Variants in ATG2B observed in about 807,000 individuals in gnomAD.
The protein encoded by ATG2B is autophagy-related protein 2 homolog B.
In ATG2B, 121 loss-of-function variants were observed where a neutral mutation model predicts 241.3. The ratio of observed to expected loss-of-function variants is 0.50; its 90% CI spans 0.43 to 0.58. The LOEUF (loss-of-function observed/expected upper bound fraction) is 0.58, where lower values mean the gene tolerates loss of function less well. Ranked by LOEUF, ATG2B falls within the 20% of genes least tolerant of loss-of-function variation. The pLI is 0.00. For synonymous variants in ATG2B, 858 were observed against 876.6 expected, an observed-to-expected ratio of 0.98 and a Z score of 0.37; for missense variants, 2,306 against 2,491.6, an observed-to-expected ratio of 0.93 and a Z score of 1.59.
Position 96,329,469 on chromosome 14 carries a change from G to A in ATG2B, c.1881+15C>T. ...TTTAAAAAATAATCTTAAAGAAAAA[G>A]TATTCAATATTTACCTCTGTATAGT... On this transcript the variant is annotated intron_variant, in intron 12 of 41. Transcript: ENST00000359933. 6.6e-7 allele frequency: 1 copy of A among 1,526,212 alleles called. No individual in the cohort carries two copies. The highest frequency in any genetic ancestry group is 8.8e-7 in the Non-Finnish European group (1 of 1,134,400). 94.5% of individuals were successfully genotyped at this position (1,526,212 alleles called of 1,614,324 possible).
intron 26 of ATG2B, 137 bp downstream of exon 26, chr14:96,311,952 A>C: frequency 1.4e-6 from 1 of 696,574 alleles, no homozygotes; most frequent in Non-Finnish European, 2.5e-6. Flanking sequence ...TATATACTTA[A>C]AGACCCTTTA....
Position 96,333,799 on chromosome 14 carries a change from T to A in ATG2B, c.1096A>T (p.Ile366Phe), listed in dbSNP as rs1307863104. ...TAATACCGGTTTAATTCCATCTGAA[T>A]TCGATACTCGTCTTCCTGCTGCATG... is the stretch of plus-strand genomic sequence containing the variant. ...RPMQQEDEYRIQMELNRYYLR... is the reference protein window; with the variant it reads ...RPMQQEDEYRFQMELNRYYLR... The change falls in exon 8 of 42, where the codon ATT (isoleucine) becomes TTT (phenylalanine). Residue 366 changes from isoleucine to phenylalanine, a missense_variant. Transcript: ENST00000359933. 1 of 1,613,992 alleles carries A rather than the reference T, an allele frequency of 6.2e-7. No individual in the cohort carries two copies.
At chr14:96,336,947 T>A (rs912294873) in intron 6 of ATG2B, among the ~76,000 whole-genome samples, 2 of 151,946 alleles carry the variant, frequency 1.3e-5, no homozygotes, top group Admixed American at 6.6e-5. Flanking sequence ...GTAATAGGAG[T>A]GTCTTCATTC....
At chr14:96,311,369 T>C (rs1887151676) in intron 27 of ATG2B, 82 bp from the exon 28 acceptor site, 22 of 1,343,578 alleles carry the variant, frequency 1.6e-5, no homozygotes, top group Non-Finnish European at 2.2e-5. Context: ...TTACATTAAA[T>C]AAGATTCATG....
intron 36 of ATG2B, among the ~76,000 whole-genome samples, chr14:96,292,472 G>T (rs1312980323): frequency 3.3e-5 from 5 of 151,952 alleles, no homozygotes; most frequent in Non-Finnish European, 7.4e-5. Flanking sequence ...TTCATTCAAA[G>T]AATAAATTAA....
At chr14:96,311,735 A>C in intron 26 of ATG2B, 117 bp from the exon 27 acceptor site, 1 of 645,386 alleles carries the variant, frequency 1.5e-6, no homozygotes, top group Non-Finnish European at 2.7e-6. Flanking sequence ...CACTACAAAT[A>C]ATTATAATGC....
Position 96,313,390 on chromosome 14 carries a change from T to C in ATG2B, c.3688A>G (p.Asn1230Asp), listed in dbSNP as rs1251314480. 3 of 1,597,926 alleles carry C rather than the reference T, an allele frequency of 1.9e-6. No homozygotes were observed. Among genetic ancestry groups the C allele is most frequent in the Non-Finnish European group, 1.7e-6 (2 of 1,175,552 alleles). ...NIADEPVLGYNPPTSFTTFHV... is the reference protein window; with the variant it reads ...NIADEPVLGYDPPTSFTTFHV... Reference sequence around the variant, plus strand: ...AAAGTTGTAAATGAAGTTGGAGGATTATATCCCAAAACAGGTTCATCAGCA... The same window carrying C: ...AAAGTTGTAAATGAAGTTGGAGGATCATATCCCAAAACAGGTTCATCAGCA... Residue 1230 changes from asparagine (N) to aspartate (D), a missense_variant, in exon 24 of 42, where the codon AAT becomes GAT. Physicochemically the swap from Asn to Asp is conservative, Grantham distance 23. Around this residue, in one of 2 missense-constraint regions of ATG2B, gnomAD observed 1,927 missense variants for 2,011.2 expected, o/e 0.96. Transcript: ENST00000359933.
intron 34 of ATG2B, among the ~76,000 whole-genome samples, chr14:96,298,989 G>C (rs1765094496): frequency 6.6e-6 from 1 of 152,074 alleles, no homozygotes; most frequent in Non-Finnish European, 1.5e-5. Flanking sequence ...AAGATCCTAT[G>C]ATAAAGGATA....
Position 96,347,285 on chromosome 14 carries a change from G to T in ATG2B, c.219C>A (p.Phe73Leu). 1 of 1,611,236 alleles carries T rather than the reference G, an allele frequency of 6.2e-7. No individual in the cohort carries two copies. The highest frequency in any genetic ancestry group is 8.5e-7 in the Non-Finnish European group (1 of 1,177,788). ...GAACTGACAGGGAAATTGACTGAAT[G>T]AATCCTTCAGTGACTTCTAAGGGTG... Reference protein sequence around the residue: ...ADAPLEVTEGFIQSISLSVPW... With the variant: ...ADAPLEVTEGLIQSISLSVPW... Residue 73 changes from phenylalanine (F) to leucine (L), a missense_variant, in exon 2 of 42, where the codon TTC becomes TTA. This residue lies in a region of ATG2B where 1,927 missense variants were observed against 2,011.2 expected (regional missense o/e 0.96). Transcript: ENST00000359933.
At chr14:96,344,849 C>G in intron 3 of ATG2B, 93 bp from the exon 4 acceptor site, 1 of 528,264 alleles carries the variant, frequency 1.9e-6, no homozygotes, top group Non-Finnish European at 3.2e-6. Context: ...TTGATAAGAA[C>G]TTTTGTTTAC....
intron 15 of ATG2B, among the ~76,000 whole-genome samples, chr14:96,324,831 T>C (rs148790416): frequency 2.8e-4 from 43 of 152,008 alleles, no homozygotes; most frequent in African/African-American, 9.9e-4. Flanking sequence ...AACAATCAAT[T>C]TTAAATACCT....
intron 23 of ATG2B, among the ~76,000 whole-genome samples, chr14:96,314,852 C>T (rs1280088692): frequency 6.6e-6 from 1 of 152,186 alleles, no homozygotes; most frequent in African/African-American, 2.4e-5. Flanking sequence ...AGGTGCATTC[C>T]ACCACGCCCA....
rs371836087 is a variant in ATG2B at position 96,315,620 on chromosome 14, T to C, written c.3362-37A>G. On this transcript the variant is annotated intron_variant, in intron 21 of 41. Coordinates refer to ENST00000359933, the MANE Select transcript of ATG2B (RefSeq NM_018036.7). ...CATTGAGGTAAAAATAGTAACAAAA[T>C]GATTACTTGAAATTAGCTAATCAAC... 2.3e-4 allele frequency: 358 copies of C among 1,523,946 alleles called. No homozygotes were observed. The Middle Eastern group carries it at 3.2e-3, about 14-fold the overall frequency. 94.4% of individuals were successfully genotyped at this position (1,523,946 alleles called of 1,614,324 possible). A position where few individuals can be genotyped will look rare whatever the true frequency, so the allele number is the denominator to read the frequency against.
intron 14 of ATG2B, among the ~76,000 whole-genome samples, chr14:96,326,563 A>G (rs934862043): frequency 1.1e-4 from 17 of 152,312 alleles, no homozygotes; most frequent in African/African-American, 3.8e-4. Context: ...AAAAGGGTCA[A>G]AGAACATCCC....
rs1886255405 is a variant in ATG2B at position 96,283,508 on chromosome 14, C to G, written c.*2247G>C. ...CACACACAGCCTAATCATCCAAAAC[C>G]TCCCTTTGGGCTTTGTCGTAAAAAA... On this transcript the variant is annotated 3_prime_UTR_variant, in exon 42 of 42. Coordinates refer to ENST00000359933, the MANE Select transcript of ATG2B (RefSeq NM_018036.7). The G allele has an allele frequency of 6.6e-6, 1 of 152,138 alleles. No homozygotes were observed. The highest frequency in any genetic ancestry group is 2.4e-5 in the African/African-American group (1 of 41,414). The allele number at this position is 152,138 out of a possible 1,614,324, so 9.4% of individuals were successfully genotyped here.
chr14:96,327,727 G>T (rs1383461708), intron 14 of ATG2B, among the ~76,000 whole-genome samples: 1 of 152,114 alleles, frequency 6.6e-6, no homozygotes, highest in Non-Finnish European at 1.5e-5. Context: ...TATTTACACA[G>T]GTGTGACAAG....
chr14:96,286,029 ACT>A (rs1886327833), intron 41 of ATG2B, 44 bp from the exon 42 acceptor site: 2 of 1,513,756 alleles, frequency 1.3e-6, no homozygotes. Context: ...CAGTGAACAA[ACT>A]CTGGTCGGAA....
At chr14:96,352,661 A>G (rs1427526774) in intron 1 of ATG2B, among the ~76,000 whole-genome samples, 1 of 151,306 alleles carries the variant, frequency 6.6e-6, no homozygotes, top group Non-Finnish European at 1.5e-5. Context: ...GCATAAGAAT[A>G]TAAAGAAAAA....
At chr14:96,349,810 C>A (rs1489762145) in intron 1 of ATG2B, among the ~76,000 whole-genome samples, 1 of 152,058 alleles carries the variant, frequency 6.6e-6, no homozygotes, top group African/African-American at 2.4e-5. Context: ...CTGGAGCTTC[C>A]TCCAGCTAGA....
Sources: gnomAD v4.1 joint callset for allele counts (sites outside exome capture counted in the v4.1 genomes callset) on GRCh38, gnomAD v4.1.1 for gene constraint, gnomAD v4.1.1 regional missense constraint, MANE v1.5 for transcripts, NCBI Gene and HGNC (gene_info 2026-07-23, HGNC 2026-07-21) for gene names.